The following DENND1A variants were observed in gnomAD, a reference collection of about 807,000 sequenced individuals.
DENND1A encodes DENN domain containing 1A.
A neutral mutation model predicts 113.7 loss-of-function variants in DENND1A; 51 were observed. The observed-to-expected ratio is 0.45, with a 90% CI of 0.36 to 0.57. The LOEUF (loss-of-function observed/expected upper bound fraction) is 0.57. Ranked by LOEUF, DENND1A falls within the 20% of genes least tolerant of loss-of-function variation. The probability of loss-of-function intolerance (pLI) is 0.00; values close to 1 mark genes in which losing one functional copy is unlikely to be tolerated. For missense variants in DENND1A, 1,258 were observed against 1,395.9 expected, an observed-to-expected ratio of 0.90 and a Z score of 1.57; for synonymous variants, 565 against 570.8, an observed-to-expected ratio of 0.99 and a Z score of 0.14.
intron 3 of DENND1A, among the ~76,000 whole-genome samples, chr9:123,787,017 C>G (rs1229520817): frequency 6.6e-6 from 1 of 152,170 alleles, no homozygotes; most frequent in East Asian, 1.9e-4. Context: ...GAATACAAGG[C>G]CCCAAGGACC....
chr9:123,895,242 A>T, intron 1 of DENND1A, among the ~76,000 whole-genome samples: 1 of 152,020 alleles, frequency 6.6e-6, no homozygotes, highest in East Asian at 1.9e-4. Context: ...CCTACTAAGT[A>T]CCCTTCAGAT....
At chr9:123,790,147 A>G (rs1832791014) in intron 3 of DENND1A, among the ~76,000 whole-genome samples, 1 of 152,202 alleles carries the variant, frequency 6.6e-6, no homozygotes, top group African/African-American at 2.4e-5. Flanking sequence ...TGTATGTAAT[A>G]GAAATATTTC....
intron 13 of DENND1A, among the ~76,000 whole-genome samples, chr9:123,461,477 C>T (rs945147706): frequency 5.9e-5 from 9 of 152,148 alleles, no homozygotes; most frequent in African/African-American, 1.2e-4. Context: ...TCTCAGAGCT[C>T]GATGCCAGGC....
intron 9 of DENND1A, among the ~76,000 whole-genome samples, chr9:123,638,373 C>G (rs2061830975): frequency 1.3e-5 from 2 of 152,182 alleles, no homozygotes; most frequent in Admixed American, 6.5e-5. Flanking sequence ...AATACAGGGA[C>G]AGCCAATGTG....
At chr9:123,515,946 G>A (rs2053856386) in intron 13 of DENND1A, among the ~76,000 whole-genome samples, 1 of 152,078 alleles carries the variant, frequency 6.6e-6, no homozygotes, top group African/African-American at 2.4e-5. Flanking sequence ...CAGGCATGGT[G>A]GTGCACACCT....
chr9:123,738,070 T>C (rs1053220604), intron 5 of DENND1A, among the ~76,000 whole-genome samples: 5 of 152,218 alleles, frequency 3.3e-5, no homozygotes, highest in Non-Finnish European at 5.9e-5. Context: ...TGTAAAGCAC[T>C]GAACATGTTA....
At chr9:123,763,613 C>T (rs751409277) in intron 4 of DENND1A, among the ~76,000 whole-genome samples, 2 of 152,036 alleles carry the variant, frequency 1.3e-5, no homozygotes, top group Non-Finnish European at 2.9e-5. Flanking sequence ...ATGGTAAAGA[C>T]TGGGATCACT....
chr9:123,763,472 A>C (rs757847989), intron 4 of DENND1A, among the ~76,000 whole-genome samples: 1 of 152,206 alleles, frequency 6.6e-6, no homozygotes, highest in Non-Finnish European at 1.5e-5. Flanking sequence ...GTTAAGTCTG[A>C]GAAGCCTGTA....
At chr9:123,534,067 T>C (rs1400501307) in intron 13 of DENND1A, among the ~76,000 whole-genome samples, 1 of 152,210 alleles carries the variant, frequency 6.6e-6, no homozygotes, top group Non-Finnish European at 1.5e-5. Context: ...TATCACACAA[T>C]TTATATGTGA....
intron 11 of DENND1A, among the ~76,000 whole-genome samples, chr9:123,585,700 C>T (rs1014207772): frequency 1.3e-5 from 2 of 152,212 alleles, no homozygotes; most frequent in African/African-American, 4.8e-5. Context: ...CACACAGATG[C>T]CTTCATTCCA....
At chr9:123,409,956 G>C (rs2044175954) in intron 20 of DENND1A, among the ~76,000 whole-genome samples, 1 of 152,166 alleles carries the variant, frequency 6.6e-6, no homozygotes, top group Admixed American at 6.5e-5. Context: ...GCCGTGCATG[G>C]TGGCGGGCAC....
intron 1 of DENND1A, chr9:123,928,673 A>T (rs919579403): frequency 1.0e-6 from 1 of 985,338 alleles, no homozygotes; most frequent in African/African-American, 1.7e-5. Context: ...TTTGTAAATG[A>T]GAAGCCTAAC....
At chr9:123,549,411 A>G (rs1050946088) in intron 13 of DENND1A, among the ~76,000 whole-genome samples, 10 of 152,020 alleles carry the variant, frequency 6.6e-5, no homozygotes, top group African/African-American at 2.4e-4. Context: ...GAGGGCAGGG[A>G]GTGCGCACCC....
At chr9:123,657,439 A>G in intron 8 of DENND1A, among the ~76,000 whole-genome samples, 1 of 151,342 alleles carries the variant, frequency 6.6e-6, no homozygotes, top group African/African-American at 2.4e-5. Flanking sequence ...ATGGGAGGGG[A>G]TATAGTGGGG....
At chr9:123,775,914 G>T (rs1380263455) in intron 3 of DENND1A, among the ~76,000 whole-genome samples, 2 of 152,180 alleles carry the variant, frequency 1.3e-5, no homozygotes, top group Non-Finnish European at 2.9e-5. Flanking sequence ...AAGCCTAGCA[G>T]ATGTGATAAA....
chr9:123,550,999 A>G (rs1752529356), intron 13 of DENND1A, among the ~76,000 whole-genome samples: 2 of 152,226 alleles, frequency 1.3e-5, no homozygotes, highest in Admixed American at 1.3e-4. Flanking sequence ...GTCAGAGAGC[A>G]AGAAAGGCCT....
At chr9:123,687,300 C>A (rs2064871637) in intron 5 of DENND1A, among the ~76,000 whole-genome samples, 1 of 152,192 alleles carries the variant, frequency 6.6e-6, no homozygotes, top group Non-Finnish European at 1.5e-5. Context: ...GTACCATATG[C>A]AACTTGAGAC....
chr9:123,734,445 C>T (rs757376676), intron 5 of DENND1A, among the ~76,000 whole-genome samples: 4 of 152,090 alleles, frequency 2.6e-5, no homozygotes, highest in Non-Finnish European at 5.9e-5. Flanking sequence ...GTGCATGTCT[C>T]GGGGATCACT....
intron 5 of DENND1A, among the ~76,000 whole-genome samples, chr9:123,740,072 T>C (rs2068876433): frequency 1.3e-5 from 2 of 152,216 alleles, no homozygotes; most frequent in Admixed American, 1.3e-4. Flanking sequence ...CAAAACCACC[T>C]TTAAGTGTGT....
Sources: gnomAD v4.1 joint callset for allele counts (sites outside exome capture counted in the v4.1 genomes callset) on GRCh38, gnomAD v4.1.1 for gene constraint, MANE v1.5 for transcripts, NCBI Gene and HGNC (gene_info 2026-07-23, HGNC 2026-07-21) for gene names.